MYCBP2: variants seen among roughly 807,000 people sequenced by gnomAD.
MYCBP2 encodes E3 ubiquitin-protein ligase MYCBP2.
Under a neutral mutation model 525.3 loss-of-function variants are expected in MYCBP2, and 120 were observed. The observed-to-expected ratio is 0.23, with a 90% confidence interval of 0.20 to 0.27. The LOEUF is 0.27. MYCBP2 is among the 10% of genes least tolerant of loss of function. The pLI, the probability that MYCBP2 is intolerant of heterozygous loss-of-function variation, is 1.00. For missense variants in MYCBP2, 4,149 were observed against 5,657.1 expected, an observed-to-expected ratio of 0.73 and a Z score of 8.55; for synonymous variants, 1,894 against 1,955.8, an observed-to-expected ratio of 0.97 and a Z score of 0.83.
chr13:77,245,373 A>T (rs2069672158), intron 15 of MYCBP2, among the ~76,000 whole-genome samples: 2 of 152,224 alleles, frequency 1.3e-5, no homozygotes, highest in Non-Finnish European at 1.5e-5. Flanking sequence ...CATCAATGAT[A>T]GGTTGGATAA....
chr13:77,155,020 T>C (rs1260495906), intron 46 of MYCBP2, among the ~76,000 whole-genome samples: 2 of 152,082 alleles, frequency 1.3e-5, no homozygotes, highest in East Asian at 3.8e-4. Flanking sequence ...ATAGACACTA[T>C]TCCATCATAT....
intron 3 of MYCBP2, among the ~76,000 whole-genome samples, chr13:77,285,178 A>G (rs2076604031): frequency 2.0e-5 from 3 of 152,308 alleles, no homozygotes; most frequent in African/African-American, 4.8e-5. Flanking sequence ...TGTTTATGCA[A>G]TTTAATTTGA....
Position 77,176,622 on chromosome 13 carries a change from G to A in MYCBP2, c.5347C>T (p.His1783Tyr). The change falls in exon 36 of 83, where the codon CAT becomes TAT. Residue 1783 changes from histidine (H) to tyrosine (Y), a missense_variant. Around this residue, in one of 21 missense-constraint regions of MYCBP2, gnomAD observed 109 missense variants for 118.9 expected, o/e 0.92. Coordinates refer to ENST00000544440, the MANE Select transcript of MYCBP2 (RefSeq NM_015057.5). ...TGGGAATGAGTTGAATCTCCTGCAT[G>A]TTCACTCTAAAAAAAAAAAATGAAA... ...ELEVLVDDSE[H>Y]AGDSTHSHRW... 6.6e-7 allele frequency: 1 copy of A among 1,523,768 alleles called. No homozygotes were observed. Among genetic ancestry groups the A allele is most frequent in the African/African-American group, 1.4e-5 (1 of 72,502 alleles). 94.4% of individuals were successfully genotyped at this position (1,523,768 alleles called of 1,614,324 possible).
Position 77,081,448 on chromosome 13 carries a change from C to G in MYCBP2, c.11397G>C (p.Val3799=). ...GINARYVSVH[V]DNSRDLGNKV... ...TTACCCCAAGATCTCGGGAATTGTC[C>G]ACGTGAACAGACACATAGCGGGCAT... Residue 3799 remains valine (V), a synonymous_variant, in exon 65 of 83, where the codon GTG becomes GTC. Coordinates refer to ENST00000544440, the MANE Select transcript of MYCBP2 (RefSeq NM_015057.5). The surrounding 1 kb of genome is among the most constrained non-coding windows in gnomAD (Gnocchi z 4.6). 4.3e-6 allele frequency: 7 copies of G among 1,612,042 alleles called. No homozygotes were observed. The highest frequency in any genetic ancestry group is 1.1e-5 in the South Asian group (1 of 90,956).
rs1161556256 is a variant in MYCBP2 at position 77,273,508 on chromosome 13, G to A, written c.909C>T (p.Leu303=). ...GRTLQAISAI[L]TNNGSHACQT... ...GGCAAGCATGGCTTCCATTGTTGGTGAGGATAGCAGAGATGGCCTGAAGTG... is the reference window on the plus strand; with the variant it reads ...GGCAAGCATGGCTTCCATTGTTGGTAAGGATAGCAGAGATGGCCTGAAGTG... Residue 303 remains leucine (L), a synonymous_variant, in exon 5 of 83, where the codon CTC becomes CTT. Coordinates refer to ENST00000544440, the MANE Select transcript of MYCBP2 (RefSeq NM_015057.5). 7 of 1,598,922 alleles carry A rather than the reference G, an allele frequency of 4.4e-6. No individual in the cohort carries two copies. Among genetic ancestry groups the A allele is most frequent in the Non-Finnish European group, 6.0e-6 (7 of 1,175,864 alleles).
Position 77,099,192 on chromosome 13 carries a change from C to G in MYCBP2, c.8141-179G>C, listed in dbSNP as rs540776838. 575 of 843,614 alleles carry G rather than the reference C, an allele frequency of 6.8e-4. 2 individuals carry two copies. The highest frequency in any genetic ancestry group is 1.0e-3 in the Middle Eastern group (4 of 3,902). The allele number at this position is 843,614 out of a possible 1,614,324, so 52.3% of individuals were successfully genotyped here. A position where few individuals can be genotyped will look rare whatever the true frequency, so the allele number is the denominator to read the frequency against. On this transcript the variant is annotated intron_variant, in intron 55 of 82. Transcript: ENST00000544440. ...AAATATTTCTAATAAAATTTCTACA[C>G]ATCATTACACAACATTACCACCAAA...
intron 1 of MYCBP2, among the ~76,000 whole-genome samples, chr13:77,317,222 G>C (rs1232651119): frequency 6.6e-6 from 1 of 152,204 alleles, no homozygotes. Flanking sequence ...AAAGTGCTGG[G>C]ATTACAGGCG....
At chr13:77,205,023 A>T (rs12583330) in intron 26 of MYCBP2, among the ~76,000 whole-genome samples, 86,711 of 151,330 alleles carry the variant, frequency 0.57, 28,176 homozygotes, top group Non-Finnish European at 0.73. Context: ...CATTGTGCAC[A>T]TGTACCCTAA....
intron 55 of MYCBP2, chr13:77,103,284 G>A (rs41288244): frequency 0.018 from 7,304 of 397,590 alleles, 110 homozygotes; most frequent in Non-Finnish European, 0.023. Context: ...ATGCGCTCAC[G>A]AGAAGCAAGG....
At chr13:77,122,174 C>G (rs1478822377) in intron 54 of MYCBP2, among the ~76,000 whole-genome samples, 1 of 151,682 alleles carries the variant, frequency 6.6e-6, no homozygotes, top group Non-Finnish European at 1.5e-5. Context: ...AAATTAATCC[C>G]CTATGAACAA....
At chr13:77,264,886 C>CATACACACACAGAAAGATACAGTTAGAT (rs2073861084) in intron 8 of MYCBP2, among the ~76,000 whole-genome samples, 1 of 152,036 alleles carries the variant, frequency 6.6e-6, no homozygotes, top group Non-Finnish European at 1.5e-5. Context: ...CACACACACA[C>CATACACACACAGAAAGATACAGTTAGAT]ATACTTCCCA....
chr13:77,101,218 C>T (rs1423099454), intron 55 of MYCBP2, among the ~76,000 whole-genome samples: 1 of 151,904 alleles, frequency 6.6e-6, no homozygotes, highest in African/African-American at 2.4e-5. Context: ...TCCCTTTCTC[C>T]AAAAAATCCA....
intron 36 of MYCBP2, among the ~76,000 whole-genome samples, chr13:77,174,935 T>TAA (rs748895492): frequency 1.1e-4 from 5 of 46,284 alleles, no homozygotes; most frequent in Admixed American, 2.5e-4. Flanking sequence ...ATATATAATA[T>TAA]ATATATATTT....
At chr13:77,202,213 T>C (rs1342303872) in intron 26 of MYCBP2, among the ~76,000 whole-genome samples, 1 of 152,044 alleles carries the variant, frequency 6.6e-6, no homozygotes, top group Non-Finnish European at 1.5e-5. Flanking sequence ...GGGGATATCA[T>C]CACCGATCCC....
At chr13:77,227,477 CACAT>C (rs1260497238) in intron 18 of MYCBP2, among the ~76,000 whole-genome samples, 109 of 98,896 alleles carry the variant, frequency 1.1e-3, no homozygotes, top group African/African-American at 3.1e-3. Flanking sequence ...CACACACACA[CACAT>C]ACACACACAC....
At chr13:77,249,941 T>C (rs1443730668) in intron 15 of MYCBP2, among the ~76,000 whole-genome samples, 3 of 151,930 alleles carry the variant, frequency 2.0e-5, no homozygotes, top group Admixed American at 6.6e-5. Context: ...TAAAAGTTCA[T>C]GGCCGGGCGC....
chr13:77,129,029 C>T (rs549480063), intron 52 of MYCBP2: 1 of 389,304 alleles, frequency 2.6e-6, no homozygotes, highest in South Asian at 1.4e-4. Context: ...AATTGCAGCA[C>T]TTCATATAGA....
At chr13:77,304,123 C>G (rs1445197374) in intron 1 of MYCBP2, among the ~76,000 whole-genome samples, 2 of 152,140 alleles carry the variant, frequency 1.3e-5, no homozygotes, top group African/African-American at 2.4e-5. Context: ...AATTCCACTA[C>G]TGGGTGTATA....
intron 1 of MYCBP2, among the ~76,000 whole-genome samples, chr13:77,304,663 TA>T (rs2079183667): frequency 6.6e-6 from 1 of 152,180 alleles, no homozygotes; most frequent in Non-Finnish European, 1.5e-5. Flanking sequence ...ATAAATATGC[TA>T]ATTATCCTGA....
Sources: allele counts gnomAD v4.1 joint callset (sites outside exome capture counted in the v4.1 genomes callset), GRCh38; gene constraint gnomAD v4.1.1; regional missense constraint gnomAD v4.1.1; non-coding constraint Gnocchi (gnomAD v3.1); transcripts MANE v1.5; gene names NCBI Gene and HGNC (gene_info 2026-07-23, HGNC 2026-07-21).